Variants in AGBL4 observed in about 807,000 individuals in gnomAD.
AGBL4 encodes the protein AGBL carboxypeptidase 4, also known as cytosolic carboxypeptidase 6.
In AGBL4, 58 loss-of-function variants were observed where a neutral mutation model predicts 66.4. The observed-to-expected ratio is 0.87, with a 90% CI of 0.71 to 1.09. The LOEUF (loss-of-function observed/expected upper bound fraction) is 1.09. AGBL4 is among the 50% of genes least tolerant of loss of function. The pLI is 0.00. For synonymous variants in AGBL4, 234 were observed against 222.9 expected (o/e 1.05, Z -0.44); for missense variants, 579 against 631.0 (o/e 0.92, Z 0.88).
chr1:49,912,397 C>T (rs1302989219), intron 1 of AGBL4, among the ~76,000 whole-genome samples: 1 of 152,210 alleles, frequency 6.6e-6, no homozygotes, highest in East Asian at 1.9e-4. Context: ...GAAGGCTTCT[C>T]TGAGAACGCA....
At chr1:49,523,561 T>C (rs1378619643) in intron 3 of AGBL4, among the ~76,000 whole-genome samples, 1 of 152,064 alleles carries the variant, frequency 6.6e-6, no homozygotes, top group Non-Finnish European at 1.5e-5. Flanking sequence ...CTAATTTCCA[T>C]AACTTTAAGT....
At position 48,550,835 on chromosome 1, in the gene AGBL4, C is replaced by T. The variant is rs189878241; in HGVS notation, c.1268-11097G>A. ...CAAGTGGATTTACCAGGATTCAGAC[C>T]CAGATATGTCTAATTTCAGAGTGCT... On this transcript the variant is annotated intron_variant, in intron 11 of 13. Coordinates refer to ENST00000371839, the MANE Select transcript of AGBL4 (RefSeq NM_032785.4). Among the ~76,000 whole-genome samples, 235 of 152,252 alleles carry T rather than the reference C, an allele frequency of 1.5e-3. 2 individuals are homozygous for T. Among genetic ancestry groups the T allele is most frequent in the African/African-American group, 5.4e-3 (223 of 41,538 alleles).
At chr1:48,618,011 A>G (rs1380441168) in intron 9 of AGBL4, among the ~76,000 whole-genome samples, 4 of 152,174 alleles carry the variant, frequency 2.6e-5, no homozygotes, top group African/African-American at 9.7e-5. Context: ...CCGAGATTCA[A>G]TACTGACTCT....
intron 2 of AGBL4, among the ~76,000 whole-genome samples, chr1:49,796,067 A>T (rs1249423612): frequency 1.3e-5 from 2 of 151,994 alleles, no homozygotes; most frequent in Admixed American, 6.6e-5. Context: ...AAGAGCTCAA[A>T]TATACCACCA....
chr1:49,726,045 G>A (rs373581839), intron 2 of AGBL4, among the ~76,000 whole-genome samples: 30 of 152,142 alleles, frequency 2.0e-4, no homozygotes, highest in African/African-American at 7.2e-4. Context: ...TGGGGGTTGA[G>A]GGAGAGACAA....
In AGBL4 at chr1:49,009,645, A is replaced by C. The variant is rs1452702192; in HGVS notation, c.594+35939T>G. Among the ~76,000 whole-genome samples, 20 of 151,172 alleles carry C rather than the reference A, an allele frequency of 1.3e-4. No individual in the cohort carries two copies. The East Asian group carries it at 1.4e-3, about 10-fold the overall frequency. On this transcript the variant is annotated intron_variant, in intron 5 of 13. Transcript: ENST00000371839. The stretch of plus-strand genomic sequence containing the variant: ...AAATCCTCAATAAAATACTGGCAAA[A>C]CGAATCCAGCAGCACATCAAAAAGC...
chr1:49,042,139 G>A (rs1301773161), intron 5 of AGBL4, among the ~76,000 whole-genome samples: 1 of 151,844 alleles, frequency 6.6e-6, no homozygotes, highest in Non-Finnish European at 1.5e-5. Flanking sequence ...ATCAAGACTT[G>A]TATATATACC....
intron 6 of AGBL4, among the ~76,000 whole-genome samples, chr1:48,864,535 A>C (rs1647804814): frequency 6.6e-6 from 1 of 152,230 alleles, no homozygotes; most frequent in Non-Finnish European, 1.5e-5. Context: ...GATCAATACA[A>C]TGGATAAATT....
intron 5 of AGBL4, among the ~76,000 whole-genome samples, chr1:48,891,272 A>C (rs1446413999): frequency 2.6e-5 from 4 of 152,130 alleles, no homozygotes; most frequent in African/African-American, 9.7e-5. Context: ...GTAAAGGTCT[A>C]GGAATCAGGT....
At chr1:48,593,946 T>C (rs1644956692) in intron 9 of AGBL4, among the ~76,000 whole-genome samples, 1 of 152,190 alleles carries the variant, frequency 6.6e-6, no homozygotes, top group South Asian at 2.1e-4. Context: ...TGAAAAGCAA[T>C]ATGTAAGATT....
intron 6 of AGBL4, among the ~76,000 whole-genome samples, chr1:48,665,423 T>C (rs1646170565): frequency 1.3e-5 from 2 of 152,304 alleles, no homozygotes; most frequent in South Asian, 4.1e-4. Context: ...TAAATAAAAA[T>C]ACTTGTGTAG....
intron 3 of AGBL4, among the ~76,000 whole-genome samples, chr1:49,402,590 G>A (rs1387762864): frequency 7.8e-6 from 1 of 127,872 alleles, no homozygotes; most frequent in Non-Finnish European, 1.7e-5. Context: ...TTTTTGAGAT[G>A]GAGTTTTGCT....
At chr1:48,738,040 C>A (rs1280558064) in intron 6 of AGBL4, among the ~76,000 whole-genome samples, 1 of 152,186 alleles carries the variant, frequency 6.6e-6, no homozygotes, top group Non-Finnish European at 1.5e-5. Flanking sequence ...CAACTAATGG[C>A]AGACCAGCAA....
chr1:49,313,620 G>A (rs1025488714), intron 3 of AGBL4, among the ~76,000 whole-genome samples: 2 of 151,902 alleles, frequency 1.3e-5, no homozygotes, highest in Admixed American at 6.6e-5. Context: ...TTTCTCTAAC[G>A]ACCTGTGATG....
chr1:49,188,476 A>G (rs1647055924), intron 4 of AGBL4, among the ~76,000 whole-genome samples: 1 of 152,292 alleles, frequency 6.6e-6, no homozygotes, highest in South Asian at 2.1e-4. Context: ...TCAATGGTGA[A>G]CCAAAAAACA....
At chr1:48,745,466 G>A (rs1006568022) in intron 6 of AGBL4, among the ~76,000 whole-genome samples, 6 of 152,162 alleles carry the variant, frequency 3.9e-5, no homozygotes, top group African/African-American at 1.4e-4. Context: ...GGGGTTGAAA[G>A]AGTCACCTCT....
At chr1:49,950,017 CAT>C (rs1390721949) in intron 1 of AGBL4, among the ~76,000 whole-genome samples, 8 of 38,794 alleles carry the variant, frequency 2.1e-4, no homozygotes, top group African/African-American at 4.3e-4. Context: ...TATACACACA[CAT>C]ATGTGTGTGT....
chr1:49,993,904 A>G (rs1660156455), intron 1 of AGBL4, among the ~76,000 whole-genome samples: 1 of 152,204 alleles, frequency 6.6e-6, no homozygotes, highest in African/African-American at 2.4e-5. Context: ...AATTTAGCCA[A>G]AACTGGCTAA....
chr1:49,485,537 A>G (rs1329229278), intron 3 of AGBL4, among the ~76,000 whole-genome samples: 3 of 151,346 alleles, frequency 2.0e-5, no homozygotes, highest in African/African-American at 7.3e-5. Flanking sequence ...CAGCACACCA[A>G]CATGGCACAT....
Sources: allele counts gnomAD v4.1 joint callset (sites outside exome capture counted in the v4.1 genomes callset), GRCh38; gene constraint gnomAD v4.1.1; transcripts MANE v1.5; gene names NCBI Gene and HGNC (gene_info 2026-07-23, HGNC 2026-07-21).